The following IL16 variants were observed in gnomAD, a reference collection of about 807,000 sequenced individuals.
The protein encoded by IL16 is interleukin 16.
In IL16, 67 loss-of-function variants were observed where a neutral mutation model predicts 110.1. The ratio of observed to expected loss-of-function variants is 0.61; its 90% CI spans 0.50 to 0.75. The LOEUF (loss-of-function observed/expected upper bound fraction) is 0.75. Ranked by LOEUF, IL16 falls within the 30% of genes least tolerant of loss-of-function variation. IL16 has a pLI of 0.00. For missense variants in IL16, 1,545 were observed against 1,655.0 expected, an observed-to-expected ratio of 0.93 and a Z score of 1.15; for synonymous variants, 689 against 662.9, an observed-to-expected ratio of 1.04 and a Z score of -0.61.
At chr15:81,191,566 G>A (rs562856794) in intron 1 of IL16, among the ~76,000 whole-genome samples, 25 of 152,272 alleles carry the variant, frequency 1.6e-4, no homozygotes, top group Admixed American at 2.6e-4. Flanking sequence ...TAGATGGGGC[G>A]GATGGGTGGT....
intron 1 of IL16, among the ~76,000 whole-genome samples, chr15:81,213,636 A>T (rs1374539822): frequency 2.0e-5 from 3 of 152,214 alleles, no homozygotes; most frequent in African/African-American, 7.2e-5. Flanking sequence ...CTTTATTATT[A>T]TATAATGCCC....
intron 1 of IL16, chr15:81,188,295 G>T (rs538509889): frequency 8.8e-6 from 4 of 456,232 alleles, no homozygotes; most frequent in African/African-American, 6.0e-5. Context: ...GAGGGGGAGG[G>T]TATAGACACA....
rs567524759 is a variant in IL16, at chr15:81,207,304, A to G, written c.-102+10152A>G. Among the ~76,000 whole-genome samples, 15 of 152,184 alleles carry G rather than the reference A, an allele frequency of 9.9e-5. No homozygotes were observed. The South Asian group carries it at 3.1e-3, about 32-fold the overall frequency. On this transcript the variant is annotated intron_variant, in intron 1 of 18. Coordinates refer to ENST00000683961, the MANE Select transcript of IL16 (RefSeq NM_172217.5). ...AAAAGAAATTTACATCCAATATTTC[A>G]ATTTATAATCACAGTGTTGCTGTGA...
chr15:81,229,036 G>A (rs141228389), intron 2 of IL16, among the ~76,000 whole-genome samples: 276 of 152,226 alleles, frequency 1.8e-3, no homozygotes, highest in African/African-American at 5.8e-3. Flanking sequence ...TAAATATGAT[G>A]ATGATTATTA....
rs556008487 is a variant in IL16 at position 81,210,532 on chromosome 15, T to C, written c.-102+13380T>C. On this transcript the variant is annotated intron_variant, in intron 1 of 18. Coordinates refer to ENST00000683961, the MANE Select transcript of IL16 (RefSeq NM_172217.5). ...TCCACTTATTTGTTTCATTTCTGAT[T>C]TCTTTCAGCAGTATTTTGTAGTTCT... 3.3e-5 allele frequency among the ~76,000 whole-genome samples: 5 copies of C among 152,360 alleles called. No homozygotes were observed. In the East Asian group the frequency reaches 9.6e-4, roughly 29 times the overall value.
intron 2 of IL16, among the ~76,000 whole-genome samples, chr15:81,258,573 C>A (rs1390600047): frequency 6.6e-6 from 1 of 152,102 alleles, no homozygotes; most frequent in African/African-American, 2.4e-5. Context: ...TGCTGGCATG[C>A]ATCTGTAGTA....
intron 2 of IL16, among the ~76,000 whole-genome samples, chr15:81,257,122 TG>T (rs1284815855): frequency 6.6e-5 from 10 of 152,346 alleles, no homozygotes; most frequent in African/African-American, 2.4e-4. Flanking sequence ...AAGAATTCCC[TG>T]GTTAGCCTGG....
At chr15:81,216,263 G>T (rs569578771) in intron 1 of IL16, among the ~76,000 whole-genome samples, 4 of 152,184 alleles carry the variant, frequency 2.6e-5, no homozygotes, top group Non-Finnish European at 5.9e-5. Context: ...TCCCCCTCCA[G>T]CTCCCACGTC....
chr15:81,287,363 G>A (rs1470845853), intron 10 of IL16, among the ~76,000 whole-genome samples: 2 of 152,222 alleles, frequency 1.3e-5, no homozygotes, highest in Non-Finnish European at 2.9e-5. Context: ...AAGATGCCCA[G>A]TAGGCAAGTT....
chr15:81,296,956 T>G lies in IL16; in HGVS notation c.1931T>G (p.Leu644Arg). Residue 644 changes from leucine to arginine, a missense_variant, in exon 13 of 19, where the codon CTA becomes CGA. By Grantham distance (102) the Leu-to-Arg change is moderately radical. This residue lies in a region of IL16 where 1,185 missense variants were observed against 1,238.8 expected (regional missense o/e 0.96). Coordinates refer to ENST00000683961, the MANE Select transcript of IL16 (RefSeq NM_172217.5). ...GCGAGAGAGCTGCTGCCACTGCTGC[T>G]ACCACAGGAAGACACAGCAGGGAGA... is the stretch of plus-strand genomic sequence containing the variant. Reference protein sequence around the residue: ...QEARELLPLLLPQEDTAGRSP... With the variant: ...QEARELLPLLRPQEDTAGRSP... The G allele has an allele frequency of 6.2e-7, 1 of 1,612,868 alleles. No individual in the cohort carries two copies. The highest frequency in any genetic ancestry group is 2.2e-5 in the East Asian group (1 of 44,828).
At chr15:81,202,850 TG>T (rs1403450508) in intron 1 of IL16, among the ~76,000 whole-genome samples, 1 of 152,218 alleles carries the variant, frequency 6.6e-6, no homozygotes, top group Non-Finnish European at 1.5e-5. Context: ...AGTAATGGGA[TG>T]GCTGGGTCAA....
At position 81,245,547 on chromosome 15, in the gene IL16, G is replaced by A. The variant is rs527956103; in HGVS notation, c.313-14225G>A. ...CTTCTCTGACAGTACCCCAACGGCCGGGTTGGAGTAAGTTGTTACTACCTG... is the reference window on the plus strand; with the variant it reads ...CTTCTCTGACAGTACCCCAACGGCCAGGTTGGAGTAAGTTGTTACTACCTG... On this transcript the variant is annotated intron_variant, in intron 2 of 18. Transcript: ENST00000683961. Among the ~76,000 whole-genome samples, 9 of 152,212 alleles carry A rather than the reference G, an allele frequency of 5.9e-5. No individual in the cohort carries two copies. The East Asian group carries it at 1.2e-3, about 20-fold the overall frequency.
intron 2 of IL16, among the ~76,000 whole-genome samples, chr15:81,232,069 T>A (rs1281912945): frequency 8.4e-6 from 1 of 119,564 alleles, no homozygotes; most frequent in Non-Finnish European, 1.9e-5. Flanking sequence ...TTTTTTTTCT[T>A]TTTTTTTTCA....
At chr15:81,240,540 T>C (rs1897306966) in intron 2 of IL16, among the ~76,000 whole-genome samples, 1 of 152,166 alleles carries the variant, frequency 6.6e-6, no homozygotes, top group South Asian at 2.1e-4. Flanking sequence ...TTTTAAACTT[T>C]CTCCAATCTC....
At position 81,313,267 on chromosome 15, in the gene IL16, A is replaced by AT. The variant is rs752202810; in HGVS notation, c.*4471dup. 2.7e-5 allele frequency: 43 copies of AT among 1,569,834 alleles called. No homozygotes were observed. Among genetic ancestry groups the AT allele is most frequent in the Non-Finnish European group, 2.6e-5 (30 of 1,157,748 alleles). ...AAGTAACGATAGCATTACTCATGGA[A>AT]TTGCTTCACTGCTTTCTGAAGGTTG... On this transcript the variant is annotated 3_prime_UTR_variant, in exon 19 of 19. Coordinates refer to ENST00000683961, the MANE Select transcript of IL16 (RefSeq NM_172217.5).
chr15:81,214,089 G>A (rs1052853674), intron 1 of IL16, among the ~76,000 whole-genome samples: 2 of 151,954 alleles, frequency 1.3e-5, no homozygotes, highest in Non-Finnish European at 2.9e-5. Flanking sequence ...TCCATGTTTA[G>A]CATTCCCTTA....
In IL16 at chr15:81,279,611, T is replaced by C. The variant is rs368469782; in HGVS notation, c.918T>C (p.Pro306=). The change falls in exon 8 of 19, where the codon CCT becomes CCC. Residue 306 remains proline (P), a synonymous_variant. Coordinates refer to ENST00000683961, the MANE Select transcript of IL16 (RefSeq NM_172217.5). ...CCGTGAGAACCCGCCTGACGGCGCC[T>C]CCTTCCCTGTGCAGCCACCTGTCTC... is the stretch of plus-strand genomic sequence containing the variant. ...TLTVRTRLTA[P]PSLCSHLSPP... The C allele has an allele frequency of 6.8e-6, 11 of 1,614,088 alleles. No individual in the cohort carries two copies. The highest frequency in any genetic ancestry group is 8.5e-6 in the Non-Finnish European group (10 of 1,179,996).
At chr15:81,209,324 C>G (rs1350484257) in intron 1 of IL16, among the ~76,000 whole-genome samples, 2 of 151,912 alleles carry the variant, frequency 1.3e-5, no homozygotes, top group Admixed American at 1.3e-4. Context: ...GCAGGATATT[C>G]CAGGAAACCA....
intron 10 of IL16, among the ~76,000 whole-genome samples, chr15:81,287,546 A>G (rs1236926633): frequency 6.6e-6 from 1 of 152,226 alleles, no homozygotes; most frequent in Non-Finnish European, 1.5e-5. Context: ...ACACAACTGC[A>G]TTTAGTTGTT....
Sources: allele counts gnomAD v4.1 joint callset (sites outside exome capture counted in the v4.1 genomes callset), GRCh38; gene constraint gnomAD v4.1.1; regional missense constraint gnomAD v4.1.1; transcripts MANE v1.5; gene names NCBI Gene and HGNC (gene_info 2026-07-23, HGNC 2026-07-21).